The following DIP2A variants were observed in gnomAD, a reference collection of about 807,000 sequenced individuals.
DIP2A encodes disco-interacting protein 2 homolog A.
In DIP2A, 85 loss-of-function variants were observed where a neutral mutation model predicts 177.4. The ratio of observed to expected loss-of-function variants is 0.48; its 90% confidence interval spans 0.40 to 0.57. The LOEUF is 0.57. DIP2A is among the 20% of genes least tolerant of loss of function. The pLI is 0.00. For missense variants in DIP2A, 1,791 were observed against 2,100.2 expected, an observed-to-expected ratio of 0.85 and a Z score of 2.88; for synonymous variants, 886 against 881.8, an observed-to-expected ratio of 1.00 and a Z score of -0.08.
At chr21:46,504,900 T>C (rs762255) in intron 6 of DIP2A, among the ~76,000 whole-genome samples, 151,756 of 152,364 alleles carry the variant, frequency 1, 75,580 homozygotes, top group Middle Eastern at 1. Flanking sequence ...ACTCTCCATC[T>C]TCAGCAGACT....
chr21:46,556,319 A>C lies in DIP2A; in HGVS notation c.3498+228A>C. The C allele has an allele frequency of 1.3e-6, 2 of 1,486,462 alleles. No individual in the cohort carries two copies. Among genetic ancestry groups the C allele is most frequent in the South Asian group, 1.2e-5 (1 of 82,634 alleles). 92.1% of individuals were successfully genotyped at this position (1,486,462 alleles called of 1,614,324 possible). On this transcript the variant is annotated intron_variant, in intron 29 of 37. Transcript: ENST00000417564. The surrounding 1 kb of genome is among the most constrained non-coding windows in gnomAD (Gnocchi z 4.5). ...TGGTTATGTCTAAACTTTCTGATTT[A>C]TGACTGTCTAGCTTACAGGAACTGG... is the stretch of plus-strand genomic sequence containing the variant.
intron 1 of DIP2A, among the ~76,000 whole-genome samples, chr21:46,483,598 A>G (rs1408602779): frequency 6.6e-6 from 1 of 152,246 alleles, no homozygotes; most frequent in Admixed American, 6.5e-5. Flanking sequence ...TGGCATATTA[A>G]TGCCTACCCA....
chr21:46,516,648 G>A (rs1016454725), intron 8 of DIP2A, among the ~76,000 whole-genome samples: 6 of 151,304 alleles, frequency 4.0e-5, no homozygotes, highest in Admixed American at 6.6e-5. Context: ...GCCTGCCACC[G>A]CACCCAGCTA....
In DIP2A at chr21:46,556,242, A is replaced by G. The variant is rs187689736; in HGVS notation, c.3498+151A>G. On this transcript the variant is annotated intron_variant, in intron 29 of 37. Coordinates refer to ENST00000417564, the MANE Select transcript of DIP2A (RefSeq NM_015151.4). This position sits in a 1 kb window ranked among gnomAD's most constrained non-coding sequence, Gnocchi z 4.5. ...TTCTTAAGATTTGTGTTAAATACCA[A>G]TAAATGCTAAGATGTGATTAGCCTG... 575 of 1,428,786 alleles carry G rather than the reference A, an allele frequency of 4.0e-4. No homozygotes were observed. Among genetic ancestry groups the G allele is most frequent in the Middle Eastern group, 1.4e-3 (8 of 5,696 alleles). 88.5% of individuals were successfully genotyped at this position (1,428,786 alleles called of 1,614,324 possible).
intron 1 of DIP2A, among the ~76,000 whole-genome samples, chr21:46,459,725 A>G (rs1274940233): frequency 1.4e-5 from 2 of 139,786 alleles, no homozygotes; most frequent in African/African-American, 5.7e-5. Flanking sequence ...CCATACAAGG[A>G]CTCCTCCCCC....
chr21:46,493,054 C>G (rs144280437), intron 3 of DIP2A, among the ~76,000 whole-genome samples: 1 of 152,132 alleles, frequency 6.6e-6, no homozygotes, highest in Admixed American at 6.5e-5. Context: ...GAGCCCTCAC[C>G]GGACACCAAC....
At chr21:46,548,941 G>T (rs1241700453) in intron 21 of DIP2A, among the ~76,000 whole-genome samples, 2 of 152,212 alleles carry the variant, frequency 1.3e-5, no homozygotes, top group Non-Finnish European at 2.9e-5. Context: ...TATCCAAATT[G>T]TCACTTTATT....
intron 7 of DIP2A, 73 bp from the exon 8 acceptor site, chr21:46,511,344 A>C: frequency 7.0e-7 from 1 of 1,425,058 alleles, no homozygotes; most frequent in Non-Finnish European, 9.5e-7. Flanking sequence ...ATTATAAACT[A>C]TGAATGCTTA....
At chr21:46,536,231 C>T (rs1294666089) in intron 13 of DIP2A, among the ~76,000 whole-genome samples, 3 of 152,228 alleles carry the variant, frequency 2.0e-5, no homozygotes, top group African/African-American at 7.2e-5. Context: ...TGGCCTTTGG[C>T]GAGAAGCCAG....
At chr21:46,485,909 A>G (rs752820565) in intron 2 of DIP2A, among the ~76,000 whole-genome samples, 2 of 151,672 alleles carry the variant, frequency 1.3e-5, no homozygotes, top group Non-Finnish European at 2.9e-5. Flanking sequence ...TGTCTCTACT[A>G]AAAATATAAA....
chr21:46,537,419 G>T lies in DIP2A; in HGVS notation c.1708-27G>T. ...TTTCTGGTGTGGCTCGGGCCCACTC[G>T]CCCTAAGCATGTGTGCTCCCCCACA... On this transcript the variant is annotated intron_variant, in intron 14 of 37. Coordinates refer to ENST00000417564, the MANE Select transcript of DIP2A (RefSeq NM_015151.4). This position sits in a 1 kb window ranked among gnomAD's most constrained non-coding sequence, Gnocchi z 4.1. The T allele has an allele frequency of 1.2e-6, 2 of 1,611,452 alleles. No homozygotes were observed. Among genetic ancestry groups the T allele is most frequent in the South Asian group, 1.1e-5 (1 of 90,786 alleles).
At chr21:46,490,520 T>C in intron 2 of DIP2A, 80 bp from the exon 3 acceptor site, 1 of 1,454,190 alleles carries the variant, frequency 6.9e-7, no homozygotes. Flanking sequence ...ATGAGAAATG[T>C]AAGCTGTTTT....
chr21:46,543,394 G>A (rs940844831), intron 18 of DIP2A, among the ~76,000 whole-genome samples: 3 of 152,180 alleles, frequency 2.0e-5, no homozygotes, highest in East Asian at 1.9e-4. Context: ...CAGGACATGC[G>A]TGCACAGCGC....
In DIP2A at chr21:46,564,912, G is replaced by C. The variant is rs549428474; in HGVS notation, c.4165-801G>C. ...GCCAAACCCAGGTCTGTAAGTCAAGGGTGTACCCCCAAGAAATGGAGAGTC... is the reference window on the plus strand; with the variant it reads ...GCCAAACCCAGGTCTGTAAGTCAAGCGTGTACCCCCAAGAAATGGAGAGTC... On this transcript the variant is annotated intron_variant, in intron 35 of 37. Coordinates refer to ENST00000417564, the MANE Select transcript of DIP2A (RefSeq NM_015151.4). Among the ~76,000 whole-genome samples, 4 of 152,308 alleles carry C rather than the reference G, an allele frequency of 2.6e-5. No individual in the cohort carries two copies. The South Asian group carries it at 8.3e-4, about 32-fold the overall frequency.
rs767213267 is a variant in DIP2A at position 46,554,309 on chromosome 21, G to A, written c.3154+17G>A. ...ACCCACCAGGTGGGCTCACTGTGGG[G>A]CTGTCCACCTGCAGCTCTTTGTAAG... On this transcript the variant is annotated intron_variant, in intron 26 of 37. Coordinates refer to ENST00000417564, the MANE Select transcript of DIP2A (RefSeq NM_015151.4). 1.9e-6 allele frequency: 3 copies of A among 1,612,864 alleles called. No homozygotes were observed. Among genetic ancestry groups the A allele is most frequent in the Non-Finnish European group, 2.5e-6 (3 of 1,179,280 alleles).
At chr21:46,529,782 T>G (rs1280863237) in intron 9 of DIP2A, among the ~76,000 whole-genome samples, 1 of 152,166 alleles carries the variant, frequency 6.6e-6, no homozygotes, top group African/African-American at 2.4e-5. Context: ...GAGCTTAGAT[T>G]TTATGAATTA....
At chr21:46,578,754 A>G in the DIP2A span, among the ~76,000 whole-genome samples, 6 of 152,196 alleles carry the variant, frequency 3.9e-5, no homozygotes, top group African/African-American at 7.2e-5. Context: ...GTGATGAATT[A>G]TGTTTATTGA....
At chr21:46,495,838 C>T (rs1436537097) in intron 3 of DIP2A, among the ~76,000 whole-genome samples, 1 of 151,932 alleles carries the variant, frequency 6.6e-6, no homozygotes, top group Non-Finnish European at 1.5e-5. Flanking sequence ...CTTACAGAGG[C>T]CAAGGCGGGC....
chr21:46,497,450 A>G (rs1400736591), intron 4 of DIP2A, among the ~76,000 whole-genome samples: 1 of 152,208 alleles, frequency 6.6e-6, no homozygotes, highest in Admixed American at 6.5e-5. Flanking sequence ...TGAATTAGGA[A>G]TTTTACAGTT....
Sources: allele counts gnomAD v4.1 joint callset (sites outside exome capture counted in the v4.1 genomes callset), GRCh38; gene constraint gnomAD v4.1.1; non-coding constraint Gnocchi (gnomAD v3.1); transcripts MANE v1.5; gene names NCBI Gene and HGNC (gene_info 2026-07-23, HGNC 2026-07-21).